The following ERC1 variants were observed in gnomAD, a reference collection of about 807,000 sequenced individuals.
ERC1 encodes RAB6 interacting protein 2.
In ERC1, 56 loss-of-function variants were observed where a neutral mutation model predicts 132.0. The ratio of observed to expected loss-of-function variants is 0.42; its 90% CI spans 0.34 to 0.53. The LOEUF (loss-of-function observed/expected upper bound fraction) is 0.53. ERC1 is among the 20% of genes least tolerant of loss of function. The probability of loss-of-function intolerance (pLI) is 0.03; values close to 1 mark genes in which losing one functional copy is unlikely to be tolerated. For synonymous variants in ERC1, 478 were observed against 476.1 expected, an observed-to-expected ratio of 1.00 and a Z score of -0.05; for missense variants, 1,202 against 1,349.9, an observed-to-expected ratio of 0.89 and a Z score of 1.72.
At chr12:1,253,303 T>C (rs1462947263) in intron 13 of ERC1, among the ~76,000 whole-genome samples, 1 of 152,010 alleles carries the variant, frequency 6.6e-6, no homozygotes, top group Non-Finnish European at 1.5e-5. Context: ...TTGAGGGAGA[T>C]GTTTGAGGGA....
At chr12:1,342,726 A>G (rs2154363006) in intron 15 of ERC1, among the ~76,000 whole-genome samples, 1 of 152,314 alleles carries the variant, frequency 6.6e-6, no homozygotes, top group Non-Finnish European at 1.5e-5. Flanking sequence ...TGAAATATTA[A>G]TATTAATGTG....
chr12:1,098,018 T>A (rs368789593), intron 3 of ERC1, among the ~76,000 whole-genome samples: 1 of 152,206 alleles, frequency 6.6e-6, no homozygotes, highest in Non-Finnish European at 1.5e-5. Flanking sequence ...CCCGGACCTC[T>A]GGTATTTTGC....
chr12:1,281,003 G>A (rs2078641686), intron 14 of ERC1, among the ~76,000 whole-genome samples: 1 of 152,110 alleles, frequency 6.6e-6, no homozygotes, highest in Non-Finnish European at 1.5e-5. Context: ...TTATTTCTAG[G>A]TGGCAGTTTG....
At chr12:1,128,405 T>G (rs1948423435) in intron 7 of ERC1, among the ~76,000 whole-genome samples, 1 of 152,130 alleles carries the variant, frequency 6.6e-6, no homozygotes, top group South Asian at 2.1e-4. Flanking sequence ...TTTTCTTAAT[T>G]TTTAATTTTT....
At chr12:1,100,716 G>C (rs1944563933) in intron 3 of ERC1, among the ~76,000 whole-genome samples, 1 of 152,194 alleles carries the variant, frequency 6.6e-6, no homozygotes, top group South Asian at 2.1e-4. Flanking sequence ...TAGAGGGGAA[G>C]GCCAGGAGGT....
intron 15 of ERC1, among the ~76,000 whole-genome samples, chr12:1,349,064 CTG>C (rs1459748251): frequency 3.3e-5 from 5 of 152,188 alleles, no homozygotes; most frequent in South Asian, 4.1e-4. Flanking sequence ...TAGTAATGCA[CTG>C]TGTCTTTTTT....
At chr12:1,163,705 T>A (rs1952086456) in intron 8 of ERC1, among the ~76,000 whole-genome samples, 1 of 152,104 alleles carries the variant, frequency 6.6e-6, no homozygotes, top group Non-Finnish European at 1.5e-5. Context: ...TGGTGGTTTT[T>A]ATTTTTATTT....
At chr12:1,323,217 C>T (rs1241295073) in intron 15 of ERC1, among the ~76,000 whole-genome samples, 6 of 151,970 alleles carry the variant, frequency 3.9e-5, no homozygotes, top group East Asian at 1.9e-4. Flanking sequence ...TTAATGTCAA[C>T]GCACTTGATG....
intron 18 of ERC1, among the ~76,000 whole-genome samples, chr12:1,483,390 G>A (rs142384066): frequency 2.0e-5 from 3 of 152,286 alleles, no homozygotes; most frequent in East Asian, 1.9e-4. Flanking sequence ...TTTACATAGT[G>A]TAGCTTTACA....
intron 17 of ERC1, among the ~76,000 whole-genome samples, chr12:1,436,139 CATGTACAGACAG>C (rs1366725032): frequency 2.0e-5 from 3 of 149,162 alleles, no homozygotes; most frequent in Non-Finnish European, 2.9e-5. Context: ...CCAGCCCTTC[CATGTACAGACAG>C]ACGGACACAC....
At chr12:1,275,315 T>C (rs943513659) in intron 14 of ERC1, among the ~76,000 whole-genome samples, 1 of 151,978 alleles carries the variant, frequency 6.6e-6, no homozygotes, top group Non-Finnish European at 1.5e-5. Context: ...TGGTGAAACC[T>C]TGTCTCTACT....
chr12:1,448,741 G>C (rs965607808), intron 18 of ERC1, among the ~76,000 whole-genome samples: 1 of 152,230 alleles, frequency 6.6e-6, no homozygotes, highest in Non-Finnish European at 1.5e-5. Flanking sequence ...CAATGCTAGG[G>C]CAGTGCAGAA....
intron 12 of ERC1, among the ~76,000 whole-genome samples, chr12:1,216,302 C>A (rs919743257): frequency 2.0e-5 from 3 of 152,042 alleles, no homozygotes; most frequent in African/African-American, 7.3e-5. Context: ...ATTTTCTGAT[C>A]ACTAATATTT....
At chr12:1,105,592 C>T (rs868209114) in intron 4 of ERC1, among the ~76,000 whole-genome samples, 2 of 152,214 alleles carry the variant, frequency 1.3e-5, no homozygotes, top group African/African-American at 2.4e-5. Flanking sequence ...CTCCTGACCT[C>T]GTTATCCGCC....
At chr12:1,258,795 G>A (rs1264874096) in intron 13 of ERC1, among the ~76,000 whole-genome samples, 1 of 152,194 alleles carries the variant, frequency 6.6e-6, no homozygotes, top group East Asian at 1.9e-4. Context: ...GTAAAATATT[G>A]CCGTGAAGAA....
chr12:1,044,185 G>T (rs1394706055), intron 2 of ERC1, among the ~76,000 whole-genome samples: 2 of 152,210 alleles, frequency 1.3e-5, no homozygotes, highest in African/African-American at 2.4e-5. Context: ...TGTAGCCATG[G>T]CAGTATTTAA....
In ERC1 at chr12:1,393,832, G is replaced by A. The variant is rs142971980; in HGVS notation, c.2926-14317G>A. On this transcript the variant is annotated intron_variant, in intron 16 of 18. Transcript: ENST00000360905. The stretch of plus-strand genomic sequence containing the variant: ...CACGAGGTCAGGAGATTGAGACCAC[G>A]GTGAAACCCCGTCTCTACTAAAACG... Among the ~76,000 whole-genome samples the A allele has an allele frequency of 2.7e-3, 388 of 145,230 alleles. 1 individual carries two copies. The highest frequency in any genetic ancestry group is 0.023 in the Middle Eastern group (6 of 256).
At chr12:1,199,484 GT>G (rs1956692954) in intron 12 of ERC1, among the ~76,000 whole-genome samples, 1 of 151,348 alleles carries the variant, frequency 6.6e-6, no homozygotes, top group Non-Finnish European at 1.5e-5. Context: ...AAAAAAAAAT[GT>G]TATGGCCAGG....
intron 2 of ERC1, among the ~76,000 whole-genome samples, chr12:1,082,935 T>C (rs1344197528): frequency 6.6e-6 from 1 of 152,208 alleles, no homozygotes; most frequent in Non-Finnish European, 1.5e-5. Context: ...AAGTGAGGAG[T>C]GAGTGCCATA....
Sources: gnomAD v4.1 joint callset for allele counts (sites outside exome capture counted in the v4.1 genomes callset) on GRCh38, gnomAD v4.1.1 for gene constraint, MANE v1.5 for transcripts, NCBI Gene and HGNC (gene_info 2026-07-23, HGNC 2026-07-21) for gene names.